HPS1: variants seen among roughly 807,000 people sequenced by gnomAD.
The protein encoded by HPS1 is BLOC-3 complex member HPS1.
HPS1 carries 59 observed loss-of-function variants against 90.6 expected under a neutral mutation model. The observed-to-expected ratio is 0.65, with a 90% CI of 0.53 to 0.81. The LOEUF (loss-of-function observed/expected upper bound fraction) is 0.81, where lower values mean the gene tolerates loss of function less well. Ranked by LOEUF, HPS1 falls within the 30% of genes least tolerant of loss-of-function variation. The pLI is 0.00. For missense variants in HPS1, 849 were observed against 896.7 expected, an observed-to-expected ratio of 0.95 and a Z score of 0.68; for synonymous variants, 388 against 384.4, an observed-to-expected ratio of 1.01 and a Z score of -0.11.
chr10:98,433,832 T>C lies in HPS1; in HGVS notation c.507+151A>G, dbSNP rs773390133. ...GCCCATCAGGGTACCCAACCCTCCATATGGCCAGAAAGAACAACTCTCTCT... is the reference window on the plus strand; with the variant it reads ...GCCCATCAGGGTACCCAACCCTCCACATGGCCAGAAAGAACAACTCTCTCT... On this transcript the variant is annotated intron_variant, in intron 6 of 19. Transcript: ENST00000361490. 116 of 1,132,308 alleles carry C rather than the reference T, an allele frequency of 1.0e-4. 2 individuals are homozygous for C. In the Middle Eastern group the frequency reaches 2.0e-3, roughly 19 times the overall value. 70.1% of individuals were successfully genotyped at this position (1,132,308 alleles called of 1,614,324 possible). A position where few individuals can be genotyped will look rare whatever the true frequency, so the allele number is the denominator to read the frequency against.
chr10:98,444,366 G>A (rs899260360), intron 2 of HPS1, among the ~76,000 whole-genome samples: 3 of 151,974 alleles, frequency 2.0e-5, no homozygotes, highest in African/African-American at 2.4e-5. Flanking sequence ...CACACTGTGT[G>A]CCATGGCCCT....
In HPS1 at chr10:98,425,532, G is replaced by A. The variant is rs757931600; in HGVS notation, c.1335+9C>T. The A allele has an allele frequency of 6.2e-7, 1 of 1,606,736 alleles. No homozygotes were observed. The highest frequency in any genetic ancestry group is 1.1e-5 in the South Asian group (1 of 89,388). The stretch of plus-strand genomic sequence containing the variant: ...CCCCAGGTGGGGAGGACTGGAACTT[G>A]GGTCTCACCTGAATCTCCTGTGCCC... On this transcript the variant is annotated intron_variant, in intron 13 of 19. Transcript: ENST00000361490.
chr10:98,441,058 T>C (rs1012927012), intron 3 of HPS1, among the ~76,000 whole-genome samples: 1 of 152,214 alleles, frequency 6.6e-6, no homozygotes, highest in African/African-American at 2.4e-5. Context: ...TGATGGTAAA[T>C]GGACTCCCTG....
Position 98,427,961 on chromosome 10 carries a change from C to T in HPS1, c.938-697G>A, listed in dbSNP as rs770939564. Among the ~76,000 whole-genome samples the T allele has an allele frequency of 8.5e-5, 13 of 152,180 alleles. No homozygotes were observed. In the South Asian group the frequency reaches 1.0e-3, roughly 12 times the overall value. On this transcript the variant is annotated intron_variant, in intron 10 of 19. Coordinates refer to ENST00000361490, the MANE Select transcript of HPS1 (RefSeq NM_000195.5). The stretch of plus-strand genomic sequence containing the variant: ...ATTTGTAAGTTGTGAGTTCTCTGCA[C>T]GGTGGAACAGCATTATTTTTTACAG...
At chr10:98,434,899 G>A (rs941607089) in intron 5 of HPS1, among the ~76,000 whole-genome samples, 1 of 152,180 alleles carries the variant, frequency 6.6e-6, no homozygotes, top group Non-Finnish European at 1.5e-5. Context: ...TTTCTGGAGA[G>A]AGAGTCTGAA....
intron 17 of HPS1, among the ~76,000 whole-genome samples, chr10:98,421,951 CAAAG>C (rs1021580355): frequency 2.8e-5 from 4 of 144,812 alleles, no homozygotes; most frequent in Non-Finnish European, 4.5e-5. Context: ...CCCACCAAAA[CAAAG>C]AAAGAAAAGA....
At chr10:98,427,099 CAGG>C (rs1845704958) in intron 11 of HPS1, 113 bp downstream of exon 11, 4 of 827,804 alleles carry the variant, frequency 4.8e-6, no homozygotes, top group Non-Finnish European at 7.9e-6. Context: ...CTGGGGTGGG[CAGG>C]AGGAGGGCTG....
intron 2 of HPS1, among the ~76,000 whole-genome samples, 176 bp from the exon 3 acceptor site, chr10:98,443,416 C>A (rs544919738): frequency 6.9e-4 from 105 of 152,330 alleles, no homozygotes; most frequent in Non-Finnish European, 1.3e-3. Flanking sequence ...AAGTAGAACT[C>A]TTCAGGTACC....
Position 98,446,218 on chromosome 10 carries a change from C to T in HPS1, c.-106+589G>A, listed in dbSNP as rs187762549. ...GGCCTTTAGCAGCCGAACCCTGAGA[C>T]GGGCTCCATCACCCACATGATTGGC... On this transcript the variant is annotated intron_variant, in intron 1 of 19. Transcript: ENST00000361490. Among the ~76,000 whole-genome samples the T allele has an allele frequency of 3.7e-3, 568 of 152,074 alleles. 4 individuals carry two copies. The highest frequency in any genetic ancestry group is 0.013 in the African/African-American group (542 of 41,334).
Position 98,417,797 on chromosome 10 carries a change from G to A in HPS1, c.1941-71C>T. 6.8e-7 allele frequency: 1 copy of A among 1,467,350 alleles called. No homozygotes were observed. The highest frequency in any genetic ancestry group is 1.1e-5 in the South Asian group (1 of 87,040). The allele number at this position is 1,467,350 out of a possible 1,614,324, so 90.9% of individuals were successfully genotyped here. ...CTCCTCCAGCGCCAGAGGCCTCTCT[G>A]GGCCCTCGCAAGCAAATGCCCATGC... On this transcript the variant is annotated intron_variant, in intron 19 of 19. Coordinates refer to ENST00000361490, the MANE Select transcript of HPS1 (RefSeq NM_000195.5). The surrounding 1 kb of genome is among the most constrained non-coding windows in gnomAD (Gnocchi z 4.2).
intron 3 of HPS1, among the ~76,000 whole-genome samples, chr10:98,440,727 C>CAA (rs200905541): frequency 1.4e-5 from 2 of 138,504 alleles, no homozygotes; most frequent in East Asian, 2.0e-4. Context: ...TGCACATTAA[C>CAA]AAAAAAAAAA....
chr10:98,434,694 G>A (rs1847046195), intron 5 of HPS1, among the ~76,000 whole-genome samples: 2 of 152,006 alleles, frequency 1.3e-5, no homozygotes, highest in South Asian at 4.2e-4. Context: ...AGGGGGTGGT[G>A]ATACTACGAA....
chr10:98,433,361 G>C (rs1313157043), intron 6 of HPS1, among the ~76,000 whole-genome samples: 2 of 152,168 alleles, frequency 1.3e-5, no homozygotes, highest in Non-Finnish European at 2.9e-5. Flanking sequence ...ACACACACTG[G>C]AGTATGAAAA....
intron 3 of HPS1, among the ~76,000 whole-genome samples, chr10:98,437,043 C>T (rs966610985): frequency 1.3e-5 from 2 of 152,022 alleles, no homozygotes; most frequent in Admixed American, 1.3e-4. Context: ...CTCAGGCTAC[C>T]GCCCTCCACC....
chr10:98,422,341 C>A lies in HPS1; in HGVS notation c.1743+28G>T, dbSNP rs774540677. 6 of 1,595,532 alleles carry A rather than the reference C, an allele frequency of 3.8e-6. 1 individual carries two copies. In the South Asian group the frequency reaches 5.5e-5, roughly 15 times the overall value. On this transcript the variant is annotated intron_variant, in intron 17 of 19. Transcript: ENST00000361490. Reference sequence around the variant, plus strand: ...TACCCAATATTGGCTGAGGCCCACCCATCCCCGCCCTGGGTCCAAATGGTT... The same window carrying A: ...TACCCAATATTGGCTGAGGCCCACCAATCCCCGCCCTGGGTCCAAATGGTT...
chr10:98,425,766 G>A (rs753723831), intron 12 of HPS1, 46 bp from the exon 13 acceptor site: 38 of 1,599,390 alleles, frequency 2.4e-5, no homozygotes, highest in Non-Finnish European at 3.2e-5. Context: ...TGCCCCTGGG[G>A]AAGACGTGCC....
chr10:98,431,073 T>A, intron 7 of HPS1, 58 bp downstream of exon 7: 1 of 1,574,132 alleles, frequency 6.4e-7, no homozygotes, highest in Non-Finnish European at 8.7e-7. Flanking sequence ...GCAGAGGCCA[T>A]AGGGGAGTGA....
intron 3 of HPS1, among the ~76,000 whole-genome samples, chr10:98,437,606 C>A (rs1453555985): frequency 6.6e-6 from 1 of 152,194 alleles, no homozygotes; most frequent in Non-Finnish European, 1.5e-5. Flanking sequence ...AGCCTAGGAG[C>A]AACAGGCCAT....
intron 3 of HPS1, among the ~76,000 whole-genome samples, chr10:98,437,026 T>A (rs1020839855): frequency 2.0e-5 from 3 of 152,086 alleles, no homozygotes; most frequent in African/African-American, 7.3e-5. Context: ...TTTTTTTTTC[T>A]GGCCACCTCA....
Sources: gnomAD v4.1 joint callset for allele counts (sites outside exome capture counted in the v4.1 genomes callset) on GRCh38, gnomAD v4.1.1 for gene constraint, Gnocchi (gnomAD v3.1) non-coding constraint, MANE v1.5 for transcripts, NCBI Gene and HGNC (gene_info 2026-07-23, HGNC 2026-07-21) for gene names.